Variants in ADAMTSL1 observed in about 807,000 individuals in gnomAD.
ADAMTSL1 encodes ADAMTS-like protein 1.
A neutral mutation model predicts 201.8 loss-of-function variants in ADAMTSL1; 126 were observed. The ratio of observed to expected loss-of-function variants is 0.62; its 90% CI spans 0.54 to 0.72. The LOEUF is 0.72. ADAMTSL1 is among the 30% of genes least tolerant of loss of function. The probability of loss-of-function intolerance (pLI) is 0.00; values close to 1 mark genes in which losing one functional copy is unlikely to be tolerated. For missense variants in ADAMTSL1, 2,679 were observed against 2,277.8 expected, an observed-to-expected ratio of 1.18 and a Z score of -3.59; for synonymous variants, 1,121 against 903.4, an observed-to-expected ratio of 1.24 and a Z score of -4.32.
intron 3 of ADAMTSL1, among the ~76,000 whole-genome samples, chr9:18,573,610 G>A (rs1031397440): frequency 6.6e-6 from 1 of 152,076 alleles, no homozygotes; most frequent in African/African-American, 2.4e-5. Flanking sequence ...ATAAACAATT[G>A]TCATAGCTCT....
chr9:18,384,270 G>A (rs1243146465), intron 2 of ADAMTSL1, among the ~76,000 whole-genome samples: 2 of 152,098 alleles, frequency 1.3e-5, no homozygotes, highest in African/African-American at 4.8e-5. Flanking sequence ...AGCGAGTGAA[G>A]GGGGAAGTGC....
At chr9:17,932,157 C>T (rs986945512) in intron 1 of ADAMTSL1, among the ~76,000 whole-genome samples, 58 of 152,286 alleles carry the variant, frequency 3.8e-4, no homozygotes, top group African/African-American at 1.2e-3. Flanking sequence ...GGTGGGATTT[C>T]GGGAGCCTCT....
chr9:18,504,678 G>A, intron 1 of ADAMTSL1, 151 bp from the exon 2 acceptor site: 1 of 1,129,334 alleles, frequency 8.9e-7, no homozygotes, highest in Admixed American at 1.9e-5. Context: ...TAGGCATTAT[G>A]AAATGGAAAA....
At chr9:18,023,734 C>T (rs1365371308) in intron 1 of ADAMTSL1, among the ~76,000 whole-genome samples, 1 of 152,014 alleles carries the variant, frequency 6.6e-6, no homozygotes, top group Non-Finnish European at 1.5e-5. Flanking sequence ...TTTTCTGTTT[C>T]TTCGTGTAAA....
chr9:18,777,508 C>T lies in ADAMTSL1; in HGVS notation c.3279C>T (p.Arg1093=). ...GNLSQQPEEL[R]DLYSKHLVAQ... ...TCTCCCAGCAGCCCGAGGAGCTGCG[C>T]GACCTCTACAGCAAGCACCTGGTGG... is the stretch of plus-strand genomic sequence containing the variant. The change falls in exon 19 of 29, where the codon CGC becomes CGT. Residue 1093 remains arginine, a synonymous_variant. Coordinates refer to ENST00000380548, the MANE Select transcript of ADAMTSL1 (RefSeq NM_001040272.6). The T allele has an allele frequency of 1.3e-6, 2 of 1,597,484 alleles. No homozygotes were observed. The highest frequency in any genetic ancestry group is 1.7e-5 in the Admixed American group (1 of 57,672).
At chr9:18,542,447 A>T (rs147388545) in intron 3 of ADAMTSL1, among the ~76,000 whole-genome samples, 112 of 152,302 alleles carry the variant, frequency 7.4e-4, no homozygotes, top group African/African-American at 2.6e-3. Flanking sequence ...TCAAAATCTA[A>T]CTATATTTGG....
At chr9:17,929,616 G>A (rs966209761) in intron 1 of ADAMTSL1, among the ~76,000 whole-genome samples, 2 of 151,950 alleles carry the variant, frequency 1.3e-5, no homozygotes, top group South Asian at 2.1e-4. Context: ...TTCCCCAAGG[G>A]CACCAAGCGT....
intron 1 of ADAMTSL1, among the ~76,000 whole-genome samples, chr9:17,988,562 C>CT (rs1197090632): frequency 0.012 from 1,715 of 140,090 alleles, 41 homozygotes; most frequent in African/African-American, 0.039. Context: ...TTTTTCTTTT[C>CT]TTTTTTTTTT....
At chr9:18,116,727 T>G (rs570818601) in intron 1 of ADAMTSL1, among the ~76,000 whole-genome samples, 1 of 152,208 alleles carries the variant, frequency 6.6e-6, no homozygotes, top group Non-Finnish European at 1.5e-5. Context: ...AATTTTATTA[T>G]GATTATACTT....
intron 1 of ADAMTSL1, among the ~76,000 whole-genome samples, chr9:18,066,519 G>GATT (rs1202341940): frequency 6.6e-6 from 1 of 152,160 alleles, no homozygotes; most frequent in African/African-American, 2.4e-5. Context: ...GAAAGCAAGT[G>GATT]ATTATTAGAT....
At chr9:18,459,843 C>G (rs1820743758) in intron 2 of ADAMTSL1, among the ~76,000 whole-genome samples, 1 of 151,984 alleles carries the variant, frequency 6.6e-6, no homozygotes, top group Non-Finnish European at 1.5e-5. Context: ...TTAAACCACA[C>G]AAGAATAATG....
chr9:18,774,420 T>C (rs1435144859), intron 17 of ADAMTSL1, among the ~76,000 whole-genome samples: 2 of 151,982 alleles, frequency 1.3e-5, no homozygotes, highest in Non-Finnish European at 2.9e-5. Flanking sequence ...TACACTGAAA[T>C]TATTATCTTT....
At chr9:18,360,404 C>G (rs1287203311) in intron 2 of ADAMTSL1, among the ~76,000 whole-genome samples, 2 of 152,148 alleles carry the variant, frequency 1.3e-5, no homozygotes, top group Non-Finnish European at 2.9e-5. Context: ...CTGGTTCTGT[C>G]ATTTGCTAGG....
chr9:17,909,980 AT>A, intron 1 of ADAMTSL1, among the ~76,000 whole-genome samples: 1 of 62,610 alleles, frequency 1.6e-5, no homozygotes, highest in African/African-American at 3.4e-5. Flanking sequence ...TTAAAGTATA[AT>A]TAAAAGAAAA....
At chr9:18,861,023 C>T (rs10811051) in intron 23 of ADAMTSL1, among the ~76,000 whole-genome samples, 72,567 of 151,900 alleles carry the variant, frequency 0.48, 18,523 homozygotes, top group East Asian at 0.56. Context: ...TCCCTCGTTT[C>T]ACAGAGATCA....
At chr9:18,057,724 C>G (rs571643379) in intron 1 of ADAMTSL1, among the ~76,000 whole-genome samples, 1 of 152,306 alleles carries the variant, frequency 6.6e-6, no homozygotes, top group South Asian at 2.1e-4. Context: ...CTGAACTCAC[C>G]AAGCTCTTTT....
chr9:18,364,552 C>T (rs1024679460), intron 2 of ADAMTSL1, among the ~76,000 whole-genome samples: 3 of 152,004 alleles, frequency 2.0e-5, no homozygotes, highest in African/African-American at 7.3e-5. Flanking sequence ...TTCATGAGGT[C>T]CAATCAGTAA....
At chr9:18,545,238 T>G (rs1820402804) in intron 3 of ADAMTSL1, among the ~76,000 whole-genome samples, 1 of 152,176 alleles carries the variant, frequency 6.6e-6, no homozygotes, top group African/African-American at 2.4e-5. Flanking sequence ...GGCATTACCT[T>G]AATTATACAG....
chr9:18,592,412 T>G (rs1823982149), intron 4 of ADAMTSL1, among the ~76,000 whole-genome samples: 1 of 152,216 alleles, frequency 6.6e-6, no homozygotes, highest in African/African-American at 2.4e-5. Context: ...CTTTATCATC[T>G]TTCCAATTTG....
Sources: allele counts gnomAD v4.1 joint callset (sites outside exome capture counted in the v4.1 genomes callset), GRCh38; gene constraint gnomAD v4.1.1; transcripts MANE v1.5; gene names NCBI Gene and HGNC (gene_info 2026-07-23, HGNC 2026-07-21).